HHATL: variants seen among roughly 807,000 people sequenced by gnomAD.
HHATL encodes the protein hedgehog acyltransferase like, also known as protein-cysteine N-palmitoyltransferase HHAT-like protein.
A neutral mutation model predicts 59.7 loss-of-function variants in HHATL; 49 were observed. The observed-to-expected ratio is 0.82, with a 90% confidence interval of 0.65 to 1.04. The LOEUF is 1.04. Among genes scored for constraint, HHATL ranks in the 50% least tolerant of loss-of-function variants. The probability of loss-of-function intolerance (pLI) is 0.00; values close to 1 mark genes in which losing one functional copy is unlikely to be tolerated. For synonymous variants in HHATL, 238 were observed against 257.3 expected (o/e 0.93, Z 0.72); for missense variants, 605 against 650.8 (o/e 0.93, Z 0.77).
chr3:42,698,616 T>C, intron 5 of HHATL, 92 bp downstream of exon 5: 2 of 1,391,622 alleles, frequency 1.4e-6, no homozygotes, highest in Non-Finnish European at 2.0e-6. Context: ...GTGAAGGGAA[T>C]ACTTGGGGAT....
At position 42,698,763 on chromosome 3, in the gene HHATL, C is replaced by G. The variant is rs1421152032; in HGVS notation, c.428G>C (p.Gly143Ala). 1.2e-6 allele frequency: 2 copies of G among 1,608,418 alleles called. No individual in the cohort carries two copies. Among genetic ancestry groups the G allele is most frequent in the South Asian group, 2.2e-5 (2 of 90,082 alleles). Residue 143 changes from glycine (G) to alanine (A), a missense_variant, in exon 5 of 12, where the codon GGC (glycine) becomes GCC (alanine). Gly to Ala is a moderately conservative substitution (Grantham distance 60). Transcript: ENST00000441594. The stretch of plus-strand genomic sequence containing the variant: ...GGAGGCCAGGCTGGCCAAGCCAAGG[C>G]CAAGACAGAGCCAGGGCTGGCCCAA... Reference protein sequence around the residue: ...SLLGQPWLCLGLGLASLASFK... With the variant: ...SLLGQPWLCLALGLASLASFK...
rs1349509367 is a variant in HHATL, at chr3:42,699,034, T to C, written c.286A>G (p.Lys96Glu). 1 of 1,614,008 alleles carries C rather than the reference T, an allele frequency of 6.2e-7. No homozygotes were observed. Among genetic ancestry groups the C allele is most frequent in the Non-Finnish European group, 8.5e-7 (1 of 1,179,902 alleles). ...TGGGTGGCCCAGGTCCAGCTCACCT[T>C]TGGGGCAACCATCGTGCAGAGTTTA... ...FAKLCTMVAP[K>E]LRSWMYAVYG... Residue 96 changes from lysine (K) to glutamate (E), a missense_variant and splice_region_variant, in exon 4 of 12, where the codon AAG becomes GAG. Transcript: ENST00000441594.
rs937297001 is a variant in HHATL at position 42,701,677 on chromosome 3, G to A, written c.-13-838C>T. Among the ~76,000 whole-genome samples the A allele has an allele frequency of 6.6e-6, 1 of 152,220 alleles. No individual in the cohort carries two copies. The highest frequency in any genetic ancestry group is 2.4e-5 in the African/African-American group (1 of 41,456). On this transcript the variant is annotated intron_variant, in intron 1 of 11. Coordinates refer to ENST00000441594, the MANE Select transcript of HHATL (RefSeq NM_020707.4). This position sits in a 1 kb window ranked among gnomAD's most constrained non-coding sequence, Gnocchi z 5.1. ...CTGAGTCTCACCACTCCCTCCAGCGGGGGCCTAGCTTGTCCCCTGGAGAAC... is the reference window on the plus strand; with the variant it reads ...CTGAGTCTCACCACTCCCTCCAGCGAGGGCCTAGCTTGTCCCCTGGAGAAC...
intron 5 of HHATL, 33 bp downstream of exon 5, chr3:42,698,675 C>T (rs781174272): frequency 1.1e-5 from 17 of 1,523,566 alleles, no homozygotes; most frequent in Non-Finnish European, 1.5e-5. Flanking sequence ...GGGATCTTAT[C>T]CCTACACCCT....
In HHATL at chr3:42,699,775, A is replaced by T. The variant is rs1697853727; in HGVS notation, c.157T>A (p.Tyr53Asn). 6.3e-7 allele frequency: 1 copy of T among 1,580,212 alleles called. No homozygotes were observed. Among genetic ancestry groups the T allele is most frequent in the Admixed American group, 1.8e-5 (1 of 56,028 alleles). The change falls in exon 3 of 12, where the codon TAC becomes AAC. Residue 53 changes from tyrosine to asparagine, a missense_variant. By Grantham distance (143) the Tyr-to-Asn change is moderately radical. Coordinates refer to ENST00000441594, the MANE Select transcript of HHATL (RefSeq NM_020707.4). ...FRESVRPGWE[Y>N]IGRKMDVADF... Reference sequence around the variant, plus strand: ...GGACCTACCATCTTCCGGCCAATGTACTCCCAGCCAGGTCGCACAGACTCC... The same window carrying T: ...GGACCTACCATCTTCCGGCCAATGTTCTCCCAGCCAGGTCGCACAGACTCC...
Position 42,693,184 on chromosome 3 carries a change from C to A in HHATL, c.1283G>T (p.Arg428Leu). ...SLSVQMSRRV[R>L]ALFGAMNFWA... ...GAAGTTCATGGCTCCAAACAGGGCCCGGACCCTACGGGACATCTGCACTGA... is the reference window on the plus strand; with the variant it reads ...GAAGTTCATGGCTCCAAACAGGGCCAGGACCCTACGGGACATCTGCACTGA... The change falls in exon 11 of 12, where the codon CGG becomes CTG. Residue 428 changes from arginine to leucine, a missense_variant. Arg to Leu is a moderately radical substitution (Grantham distance 102, BLOSUM62 -2). Transcript: ENST00000441594. 6.2e-7 allele frequency: 1 copy of A among 1,614,122 alleles called. No individual in the cohort carries two copies. Among genetic ancestry groups the A allele is most frequent in the South Asian group, 1.1e-5 (1 of 91,078 alleles).
rs575198097 is a variant in HHATL, at chr3:42,692,804, G to T, written c.1462C>A (p.Arg488=). Residue 488 remains arginine (R), a synonymous_variant, in exon 12 of 12, where the codon CGA becomes AGA. Transcript: ENST00000441594. Reference sequence around the variant, plus strand: ...TGCTCCTCCTCCAGTGCCAAGGTTCGCTCACGCTCCTTTACCAGCTGGACG... The same window carrying T: ...TGCTCCTCCTCCAGTGCCAAGGTTCTCTCACGCTCCTTTACCAGCTGGACG... ...CGVQLVKERE[R]TLALEEEQKQ... The T allele has an allele frequency of 1.9e-6, 3 of 1,614,188 alleles. No homozygotes were observed. In the South Asian group the frequency reaches 3.3e-5, roughly 18 times the overall value.
intron 1 of HHATL, 108 bp from the exon 2 acceptor site, chr3:42,700,947 C>T: frequency 2.8e-6 from 2 of 705,186 alleles, no homozygotes; most frequent in East Asian, 2.7e-5. Context: ...GATTGCCCCT[C>T]CAGCCCCTTG....
Position 42,697,691 on chromosome 3 carries a change from C to G in HHATL, c.694-12G>C, listed in dbSNP as rs776505404. The G allele has an allele frequency of 6.2e-7, 1 of 1,610,744 alleles. No homozygotes were observed. The highest frequency in any genetic ancestry group is 1.3e-5 in the African/African-American group (1 of 74,884). Reference sequence around the variant, plus strand: ...TCCACCTGGCTCACCTGGGGGGATGCGAAGGGTCTGAGGGAAGAGGCAAGC... The same window carrying G: ...TCCACCTGGCTCACCTGGGGGGATGGGAAGGGTCTGAGGGAAGAGGCAAGC... On this transcript the variant is annotated splice_polypyrimidine_tract_variant and intron_variant, in intron 6 of 11. Coordinates refer to ENST00000441594, the MANE Select transcript of HHATL (RefSeq NM_020707.4).
At position 42,693,070 on chromosome 3, in the gene HHATL, C is replaced by T; in HGVS notation, c.1390+7G>A. The T allele has an allele frequency of 1.2e-6, 2 of 1,614,174 alleles. No individual in the cohort carries two copies. The highest frequency in any genetic ancestry group is 2.2e-5 in the East Asian group (1 of 44,880). On this transcript the variant is annotated splice_region_variant and intron_variant, in intron 11 of 11. Transcript: ENST00000441594. The stretch of plus-strand genomic sequence containing the variant: ...ACCTTCTGTATCCCCACACCCCTGT[C>T]CCTCACCTGTGAGTAGCAGGCGCCG...
intron 10 of HHATL, 48 bp downstream of exon 10, chr3:42,693,569 C>A (rs549901611): frequency 9.8e-6 from 15 of 1,527,684 alleles, no homozygotes; most frequent in South Asian, 6.9e-5. Flanking sequence ...AGTGCCCCCC[C>A]GCCCTCTATG....
chr3:42,694,218 C>T (rs1181705680), intron 9 of HHATL: 1 of 217,208 alleles, frequency 4.6e-6, no homozygotes, highest in African/African-American at 2.3e-5. Context: ...GTGAATGGCA[C>T]CACCATCCAT....
intron 10 of HHATL, 49 bp from the exon 11 acceptor site, chr3:42,693,267 A>G (rs1697433987): frequency 1.2e-6 from 2 of 1,605,292 alleles, no homozygotes; most frequent in African/African-American, 1.3e-5. Flanking sequence ...GCCAAAGGAA[A>G]GAGGACATGG....
At position 42,696,823 on chromosome 3, in the gene HHATL, C is replaced by T. The variant is rs757944824; in HGVS notation, c.1046+19G>A. 5 of 1,613,444 alleles carry T rather than the reference C, an allele frequency of 3.1e-6. No homozygotes were observed. Among genetic ancestry groups the T allele is most frequent in the Non-Finnish European group, 4.2e-6 (5 of 1,179,710 alleles). ...CCTGGCAGGATGGCTGTGACCACCC[C>T]CACCCCACTCCTACTCACTTGCAAA... On this transcript the variant is annotated intron_variant, in intron 9 of 11. Transcript: ENST00000441594.
At chr3:42,696,193 G>A (rs912005643) in intron 9 of HHATL, among the ~76,000 whole-genome samples, 5 of 152,132 alleles carry the variant, frequency 3.3e-5, no homozygotes, top group Admixed American at 2.0e-4. Flanking sequence ...CTTCCAGGGT[G>A]GCACATGACC....
intron 10 of HHATL, 43 bp downstream of exon 10, chr3:42,693,574 T>G: frequency 1.3e-6 from 2 of 1,546,538 alleles, no homozygotes; most frequent in Non-Finnish European, 1.8e-6. Flanking sequence ...CCCCCCGCCC[T>G]CTATGACCCA....
chr3:42,698,386 G>A, intron 5 of HHATL, 35 bp from the exon 6 acceptor site: 2 of 1,586,488 alleles, frequency 1.3e-6, no homozygotes, highest in Non-Finnish European at 1.7e-6. Context: ...CAGCTCACTA[G>A]GGTGCCTCCT....
chr3:42,697,401 C>T, intron 7 of HHATL, 107 bp downstream of exon 7: 1 of 1,303,118 alleles, frequency 7.7e-7, no homozygotes, highest in Non-Finnish European at 1.1e-6. Flanking sequence ...CCCTCAGGTG[C>T]TGTGCCCTGC....
intron 9 of HHATL, among the ~76,000 whole-genome samples, chr3:42,694,566 T>C (rs1264991550): frequency 6.6e-6 from 1 of 152,186 alleles, no homozygotes; most frequent in Non-Finnish European, 1.5e-5. Context: ...CTCAGTCTCT[T>C]TACTCTGGCT....
Sources: gnomAD v4.1 joint callset for allele counts (sites outside exome capture counted in the v4.1 genomes callset) on GRCh38, gnomAD v4.1.1 for gene constraint, Gnocchi (gnomAD v3.1) non-coding constraint, MANE v1.5 for transcripts, NCBI Gene and HGNC (gene_info 2026-07-23, HGNC 2026-07-21) for gene names.